The following PRPF38B variants were observed in gnomAD, a reference collection of about 807,000 sequenced individuals.
The protein encoded by PRPF38B is pre-mRNA processing factor 38B.
Under a neutral mutation model 67.2 loss-of-function variants are expected in PRPF38B, and 18 were observed. The observed-to-expected ratio is 0.27, with a 90% CI of 0.19 to 0.40. The LOEUF (loss-of-function observed/expected upper bound fraction) is 0.40, where lower values mean the gene tolerates loss of function less well. Among genes scored for constraint, PRPF38B ranks in the 10% least tolerant of loss-of-function variants. PRPF38B has a pLI of 1.00. For missense variants in PRPF38B, 544 were observed against 684.9 expected, an observed-to-expected ratio of 0.79 and a Z score of 2.30; for synonymous variants, 246 against 234.2, an observed-to-expected ratio of 1.05 and a Z score of -0.46.
intron 4 of PRPF38B, chr1:108,696,691 T>G (rs1478757758): frequency 1.4e-6 from 1 of 714,952 alleles, no homozygotes; most frequent in Non-Finnish European, 2.6e-6. Context: ...ATAAAAGATA[T>G]GCACATAGAA....
At chr1:108,693,525 G>C (rs1012389522) in intron 1 of PRPF38B, 6 of 816,984 alleles carry the variant, frequency 7.3e-6, no homozygotes, top group Non-Finnish European at 8.9e-6. Flanking sequence ...TGGCTTGGCT[G>C]TGCTGGGGAG....
chr1:108,692,624 C>G lies in PRPF38B; in HGVS notation c.33C>G (p.Asn11Lys), dbSNP rs746034234. MANNSPALTG[N>K]SQPQHQAAAA... ...ACAACAGCCCCGCGCTGACAGGCAA[C>G]TCGCAGCCGCAGCACCAGGCGGCTG... Residue 11 changes from asparagine to lysine, a missense_variant, in exon 1 of 6, where the codon AAC becomes AAG. Coordinates refer to ENST00000370025, the MANE Select transcript of PRPF38B (RefSeq NM_018061.4). The G allele has an allele frequency of 2.0e-5, 32 of 1,607,210 alleles. No homozygotes were observed. Among genetic ancestry groups the G allele is most frequent in the Non-Finnish European group, 2.6e-5 (31 of 1,177,266 alleles).
At chr1:108,699,129 T>A (rs1660173311) in intron 5 of PRPF38B, 33 bp from the exon 6 acceptor site, 2 of 1,557,476 alleles carry the variant, frequency 1.3e-6, no homozygotes, top group East Asian at 4.5e-5. Context: ...GTTTTATTCA[T>A]TGAAATTTTC....
chr1:108,695,995 A>AGTCC, intron 2 of PRPF38B, 48 bp from the exon 3 acceptor site: 1 of 1,573,332 alleles, frequency 6.4e-7, no homozygotes, highest in Non-Finnish European at 8.7e-7. Flanking sequence ...TGGTGTTAAG[A>AGTCC]GTCCGTTAAT....
chr1:108,697,016 T>C, intron 4 of PRPF38B: 1 of 474,630 alleles, frequency 2.1e-6, no homozygotes, highest in Non-Finnish European at 3.7e-6. Flanking sequence ...GCTCACATTG[T>C]AATCCCAACA....
chr1:108,699,625 A>G lies in PRPF38B; in HGVS notation c.1246A>G (p.Lys416Glu). 1 of 1,556,128 alleles carries G rather than the reference A, an allele frequency of 6.4e-7. No homozygotes were observed. The change falls in exon 6 of 6, where the codon AAA (lysine) becomes GAA (glutamate). Residue 416 changes from lysine to glutamate, a missense_variant. Around this residue, in one of 5 missense-constraint regions of PRPF38B, gnomAD observed 387 missense variants for 386.1 expected, o/e 1.00. Transcript: ENST00000370025. ...AGATGATAGGCGGCACAGAGATGACAAAAGAGATTCCAAGAAAGAGAAAAA... is the reference window on the plus strand; with the variant it reads ...AGATGATAGGCGGCACAGAGATGACGAAAGAGATTCCAAGAAAGAGAAAAA... Reference protein sequence around the residue: ...DKDDRRHRDDKRDSKKEKKHS... With the variant: ...DKDDRRHRDDERDSKKEKKHS...
intron 4 of PRPF38B, chr1:108,697,532 T>A (rs1252206453): frequency 2.7e-5 from 1 of 37,532 alleles, no homozygotes; most frequent in Non-Finnish European, 5.6e-5. Flanking sequence ...GAATTTTTAT[T>A]TTTCTCTTTT....
In PRPF38B at chr1:108,699,229, G is replaced by A. The variant is rs1480439461; in HGVS notation, c.850G>A (p.Glu284Lys). Reference protein sequence around the residue: ...RRSRSRSHHREGHGSSSFDRE... With the variant: ...RRSRSRSHHRKGHGSSSFDRE... ...GTCAAGAAGTAGAAGTCATCATCGG[G>A]AGGGCCATGGGTCTTCTAGTTTTGA... Residue 284 changes from glutamate (E) to lysine (K), a missense_variant, in exon 6 of 6, where the codon GAG (glutamate) becomes AAG (lysine). This residue lies in a region of PRPF38B where 387 missense variants were observed against 386.1 expected (regional missense o/e 1.00). Coordinates refer to ENST00000370025, the MANE Select transcript of PRPF38B (RefSeq NM_018061.4). 1 of 1,614,002 alleles carries A rather than the reference G, an allele frequency of 6.2e-7. No individual in the cohort carries two copies. Among genetic ancestry groups the A allele is most frequent in the Admixed American group, 1.7e-5 (1 of 59,992 alleles).
Position 108,696,826 on chromosome 1 carries a change from G to A in PRPF38B, c.558+489G>A, listed in dbSNP as rs187773213. The A allele has an allele frequency of 8.7e-4, 609 of 699,382 alleles. 5 individuals are homozygous for A. In the African/African-American group the frequency reaches 0.01, roughly 12 times the overall value. 43.3% of individuals were successfully genotyped at this position (699,382 alleles called of 1,614,324 possible). Reference sequence around the variant, plus strand: ...GAAGAGTTGGGTGTTACATAAATAGGCTAAGTGTTTGGATGACTTGTTCAA... The same window carrying A: ...GAAGAGTTGGGTGTTACATAAATAGACTAAGTGTTTGGATGACTTGTTCAA... On this transcript the variant is annotated intron_variant, in intron 4 of 5. Coordinates refer to ENST00000370025, the MANE Select transcript of PRPF38B (RefSeq NM_018061.4).
In PRPF38B at chr1:108,700,099, A is replaced by G. The variant is rs1446213744; in HGVS notation, c.*79A>G. 1 of 1,511,494 alleles carries G rather than the reference A, an allele frequency of 6.6e-7. No individual in the cohort carries two copies. The highest frequency in any genetic ancestry group is 2.3e-5 in the East Asian group (1 of 44,006). The allele number at this position is 1,511,494 out of a possible 1,614,324, so 93.6% of individuals were successfully genotyped here. On this transcript the variant is annotated 3_prime_UTR_variant, in exon 6 of 6. Coordinates refer to ENST00000370025, the MANE Select transcript of PRPF38B (RefSeq NM_018061.4). ...TTTTTCCCCCACGTTGAGATTGTGC[A>G]GTAGTTCGCACTCCTCAAGCTCTCC...
At position 108,699,523 on chromosome 1, in the gene PRPF38B, A is replaced by G. The variant is rs1660227302; in HGVS notation, c.1144A>G (p.Arg382Gly). The change falls in exon 6 of 6, where the codon AGA becomes GGA. Residue 382 changes from arginine (R) to glycine (G), a missense_variant. This residue lies in a region of PRPF38B where 387 missense variants were observed against 386.1 expected (regional missense o/e 1.00). Transcript: ENST00000370025. ...AAGAGGAAATGAACGAGAAAAAGAG[A>G]GAGAGCGATCAAGAGAAAGGTCCAA... ...KERGNEREKE[R>G]ERSRERSKEQ... 4 of 1,562,154 alleles carry G rather than the reference A, an allele frequency of 2.6e-6. No individual in the cohort carries two copies. Among genetic ancestry groups the G allele is most frequent in the Non-Finnish European group, 3.5e-6 (4 of 1,153,078 alleles).
intron 1 of PRPF38B, among the ~76,000 whole-genome samples, 176 bp downstream of exon 1, chr1:108,693,043 C>G (rs1466005253): frequency 6.6e-6 from 1 of 152,048 alleles, no homozygotes; most frequent in Non-Finnish European, 1.5e-5. Flanking sequence ...GCCGCCCTCT[C>G]GTTTCCATTT....
At chr1:108,699,025 A>G in intron 5 of PRPF38B, 137 bp from the exon 6 acceptor site, 1 of 1,477,210 alleles carries the variant, frequency 6.8e-7, no homozygotes, top group Non-Finnish European at 9.0e-7. Context: ...GAACAATAAA[A>G]TTTTTTGCTT....
chr1:108,699,197 C>T lies in PRPF38B; in HGVS notation c.818C>T (p.Pro273Leu). ...PRRSLSPRRS[P>L]RRSRSRSHHR... The stretch of plus-strand genomic sequence containing the variant: ...AGATCTCTGAGTCCACGGAGGTCCC[C>T]AAGAAGGTCAAGAAGTAGAAGTCAT... Residue 273 changes from proline to leucine, a missense_variant, in exon 6 of 6, where the codon CCA (proline) becomes CTA (leucine). Pro to Leu is a moderately conservative substitution (Grantham distance 98). Around this residue, in one of 5 missense-constraint regions of PRPF38B, gnomAD observed 387 missense variants for 386.1 expected, o/e 1.00. Transcript: ENST00000370025. 6.2e-7 allele frequency: 1 copy of T among 1,613,504 alleles called. No homozygotes were observed.
intron 2 of PRPF38B, 21 bp from the exon 3 acceptor site, chr1:108,696,019 TTTC>T: frequency 6.2e-7 from 1 of 1,604,698 alleles, no homozygotes; most frequent in African/African-American, 1.3e-5. Flanking sequence ...TTTACTACTT[TTTC>T]TTAACTCGTT....
chr1:108,692,838 C>A lies in PRPF38B; in HGVS notation c.247C>A (p.His83Asn). 1 of 1,614,150 alleles carries A rather than the reference C, an allele frequency of 6.2e-7. No homozygotes were observed. The highest frequency in any genetic ancestry group is 8.5e-7 in the Non-Finnish European group (1 of 1,180,006). ...ACAGCTCTACGAGCTCAAGACCTAC[C>A]ACGAGGTGGTGGACGAGATCTACTT... ...KVQLYELKTY[H>N]EVVDEIYFKV... Residue 83 changes from histidine to asparagine, a missense_variant, in exon 1 of 6, where the codon CAC (histidine) becomes AAC (asparagine). Coordinates refer to ENST00000370025, the MANE Select transcript of PRPF38B (RefSeq NM_018061.4).
rs1660497377 is a variant in PRPF38B, at chr1:108,701,501, G to T, written c.*1481G>T. 1 of 152,114 alleles carries T rather than the reference G, an allele frequency of 6.6e-6. No individual in the cohort carries two copies. Among genetic ancestry groups the T allele is most frequent in the Non-Finnish European group, 1.5e-5 (1 of 68,026 alleles). The allele number at this position is 152,114 out of a possible 1,614,324, so 9.4% of individuals were successfully genotyped here. A position where few individuals can be genotyped will look rare whatever the true frequency, so the allele number is the denominator to read the frequency against. ...ATATGTTAGCATTTTTTAAAATTTG[G>T]ACTTGAAATTCTTTAAGATAATTCA... On this transcript the variant is annotated 3_prime_UTR_variant, in exon 6 of 6. Transcript: ENST00000370025.
rs1183982439 is a variant in PRPF38B, at chr1:108,702,854, A to G, written c.*2834A>G. Reference sequence around the variant, plus strand: ...TTTTTGTACTTACTGGAATGATTTCACCTTTCCATGTATTAAAATCTTTTG... The same window carrying G: ...TTTTTGTACTTACTGGAATGATTTCGCCTTTCCATGTATTAAAATCTTTTG... On this transcript the variant is annotated 3_prime_UTR_variant, in exon 6 of 6. Transcript: ENST00000370025. Among the ~76,000 whole-genome samples the G allele has an allele frequency of 6.6e-6, 1 of 152,126 alleles. No homozygotes were observed. The highest frequency in any genetic ancestry group is 1.5e-5 in the Non-Finnish European group (1 of 68,012).
At chr1:108,693,098 C>A (rs1659491575) in intron 1 of PRPF38B, among the ~76,000 whole-genome samples, 1 of 152,214 alleles carries the variant, frequency 6.6e-6, no homozygotes, top group Non-Finnish European at 1.5e-5. Flanking sequence ...GATCTCTCTC[C>A]TCCCCCAACC....
Sources: allele counts gnomAD v4.1 joint callset (sites outside exome capture counted in the v4.1 genomes callset), GRCh38; gene constraint gnomAD v4.1.1; regional missense constraint gnomAD v4.1.1; transcripts MANE v1.5; gene names NCBI Gene and HGNC (gene_info 2026-07-23, HGNC 2026-07-21).